Variants in LRP2 observed in about 807,000 individuals in gnomAD.
LRP2 encodes the protein low-density lipoprotein receptor-related protein 2.
A neutral mutation model predicts 531.0 loss-of-function variants in LRP2; 172 were observed. The observed-to-expected ratio is 0.32, with a 90% CI of 0.29 to 0.37. The LOEUF (loss-of-function observed/expected upper bound fraction) is 0.37. LRP2 is among the 10% of genes least tolerant of loss of function. LRP2 has a pLI of 1.00. For missense variants in LRP2, 5,167 were observed against 5,868.3 expected (o/e 0.88, Z 3.90); for synonymous variants, 1,992 against 2,027.6 (o/e 0.98, Z 0.47).
intron 17 of LRP2, among the ~76,000 whole-genome samples, chr2:169,258,276 G>C (rs577037965): frequency 1.3e-5 from 2 of 151,968 alleles, no homozygotes; most frequent in Non-Finnish European, 2.9e-5. Context: ...ATCTCACTGC[G>C]CCTTAGATTC....
At chr2:169,323,853 TA>T (rs11333901) in intron 1 of LRP2, among the ~76,000 whole-genome samples, 112,987 of 148,036 alleles carry the variant, frequency 0.76, 43,831 homozygotes, top group East Asian at 0.89. Context: ...GCTGCCTGAT[TA>T]AAAAAAAAAA....
chr2:169,244,196 A>T (rs1181039019), intron 22 of LRP2, among the ~76,000 whole-genome samples: 1 of 152,228 alleles, frequency 6.6e-6, no homozygotes, highest in Non-Finnish European at 1.5e-5. Context: ...TATTGAAGAC[A>T]TGAAATAAAA....
intron 46 of LRP2, among the ~76,000 whole-genome samples, chr2:169,194,608 C>T (rs1687941639): frequency 6.6e-6 from 1 of 151,212 alleles, no homozygotes; most frequent in Non-Finnish European, 1.5e-5. Flanking sequence ...TAGCCTAAGG[C>T]AAGAGAAAGT....
At chr2:169,270,229 C>T (rs1683366652) in intron 16 of LRP2, among the ~76,000 whole-genome samples, 1 of 152,164 alleles carries the variant, frequency 6.6e-6, no homozygotes, top group Admixed American at 6.5e-5. Flanking sequence ...CTAGAAATAA[C>T]ATTTGACCCA....
rs1313506794 is a variant in LRP2, at chr2:169,362,334, C to G, written c.66G>C (p.Pro22=). ...LLLALVACLA[P]ASGQECDSAH... ...CTGGGCTCTTACCTTGGCCACTGGC[C>G]GGCGCTAGGCAGGCGACGAGAGCCA... The change falls in exon 1 of 79, where the codon CCG becomes CCC. Residue 22 remains proline (P), a synonymous_variant. Transcript: ENST00000649046. 3 of 1,563,456 alleles carry G rather than the reference C, an allele frequency of 1.9e-6. No homozygotes were observed. The African/African-American group carries it at 4.1e-5, about 21-fold the overall frequency.
chr2:169,142,872 C>T (rs1685773756), intron 70 of LRP2, 79 bp from the exon 71 acceptor site: 1 of 1,547,996 alleles, frequency 6.5e-7, no homozygotes, highest in African/African-American at 1.4e-5. Flanking sequence ...AGTGGCTCTG[C>T]CAGGTGACAG....
intron 52 of LRP2, 75 bp downstream of exon 52, chr2:169,181,373 A>C (rs1342189678): frequency 1.6e-5 from 23 of 1,455,362 alleles, no homozygotes; most frequent in Non-Finnish European, 2.2e-5. Context: ...GAGGGGACTA[A>C]TAGACTGGAA....
intron 1 of LRP2, among the ~76,000 whole-genome samples, chr2:169,352,822 GGGGGAACATCACACACAGAGA>G (rs1559088554): frequency 2.0e-5 from 3 of 151,868 alleles, no homozygotes; most frequent in South Asian, 4.2e-4. Context: ...GGTCACAGGG[GGGGGAACATCACACACAGAGA>G]GGGGAACATC....
chr2:169,197,707 G>T (rs531219209), intron 45 of LRP2, among the ~76,000 whole-genome samples: 1 of 152,308 alleles, frequency 6.6e-6, no homozygotes, highest in South Asian at 2.1e-4. Flanking sequence ...GATTTGCCAG[G>T]GGAGAACTGA....
At chr2:169,173,360 G>C in intron 56 of LRP2, 136 bp from the exon 57 acceptor site, 1 of 1,011,128 alleles carries the variant, frequency 9.9e-7, no homozygotes, top group Non-Finnish European at 1.5e-6. Context: ...ATATGTGTCT[G>C]TTTTAGATGT....
At chr2:169,289,881 A>C (rs536242131) in intron 8 of LRP2, among the ~76,000 whole-genome samples, 27 of 150,396 alleles carry the variant, frequency 1.8e-4, no homozygotes, top group Middle Eastern at 6.8e-3. Flanking sequence ...TCCCAAATGA[A>C]ATAGAGAAAA....
At chr2:169,325,440 A>G (rs1346569637) in intron 1 of LRP2, among the ~76,000 whole-genome samples, 1 of 152,188 alleles carries the variant, frequency 6.6e-6, no homozygotes, top group Non-Finnish European at 1.5e-5. Context: ...CACTTTTTCT[A>G]TACTTAATTT....
chr2:169,150,221 G>T (rs761614768), intron 68 of LRP2, among the ~76,000 whole-genome samples: 28 of 152,286 alleles, frequency 1.8e-4, no homozygotes, highest in Admixed American at 1.3e-3. Flanking sequence ...GGGCTAGACT[G>T]GTCCTGCCCA....
intron 3 of LRP2, among the ~76,000 whole-genome samples, chr2:169,314,888 A>AT (rs1684715843): frequency 6.6e-6 from 1 of 152,202 alleles, no homozygotes; most frequent in South Asian, 2.1e-4. Flanking sequence ...TATATTGCCA[A>AT]TTTTCACATA....
In LRP2 at chr2:169,202,870, G is replaced by T. The variant is rs1236195196; in HGVS notation, c.8095C>A (p.Arg2699=). The change falls in exon 43 of 79, where the codon CGA becomes AGA. Residue 2699 remains arginine, a synonymous_variant. Coordinates refer to ENST00000649046, the MANE Select transcript of LRP2 (RefSeq NM_004525.3). ...CAGGTGAAGGAAGATGCACCACATC[G>T]TTCACCATTGTCCACAATGCAGTGC... ...RKHCIVDNGE[R]CGASSFTCSN... The T allele has an allele frequency of 6.2e-7, 1 of 1,614,156 alleles. No homozygotes were observed. The highest frequency in any genetic ancestry group is 1.1e-5 in the South Asian group (1 of 91,080).
At chr2:169,324,811 T>C (rs368771249) in intron 1 of LRP2, among the ~76,000 whole-genome samples, 2 of 152,114 alleles carry the variant, frequency 1.3e-5, no homozygotes, top group East Asian at 3.9e-4. Flanking sequence ...TTGAGAGCAT[T>C]CCTCTGTGTC....
intron 30 of LRP2, 50 bp from the exon 31 acceptor site, chr2:169,231,892 A>G (rs746744965): frequency 6.2e-7 from 1 of 1,604,870 alleles, no homozygotes; most frequent in Non-Finnish European, 8.5e-7. Flanking sequence ...CCTCCACATT[A>G]AAATCAAAAC....
In LRP2 at chr2:169,137,435, T is replaced by A; in HGVS notation, c.13577A>T (p.Tyr4526Phe). The change falls in exon 76 of 79, where the codon TAC (tyrosine) becomes TTC (phenylalanine). Residue 4526 changes from tyrosine to phenylalanine, a missense_variant. By Grantham distance (22) the Tyr-to-Phe change is conservative (BLOSUM62 3). This residue lies in a region of LRP2 where 348 missense variants were observed against 369.3 expected (regional missense o/e 0.94). Transcript: ENST00000649046. ...KQPIIFENPM[Y>F]SARDSAVKVV... is the part of the protein sequence containing the mutation. Reference sequence around the variant, plus strand: ...TTTGACAGCACTGTCTCTGGCTGAGTACATTGGGTTTTCAAATATTATGGG... The same window carrying A: ...TTTGACAGCACTGTCTCTGGCTGAGAACATTGGGTTTTCAAATATTATGGG... The A allele has an allele frequency of 1.9e-6, 3 of 1,613,888 alleles. No individual in the cohort carries two copies. The Middle Eastern group carries it at 5.0e-4, about 266-fold the overall frequency.
chr2:169,219,752 G>C (rs1441452608), intron 34 of LRP2, among the ~76,000 whole-genome samples: 1 of 152,000 alleles, frequency 6.6e-6, no homozygotes, highest in African/African-American at 2.4e-5. Context: ...CTCACTATCT[G>C]GGTACAATAT....
Sources: gnomAD v4.1 joint callset for allele counts (sites outside exome capture counted in the v4.1 genomes callset) on GRCh38, gnomAD v4.1.1 for gene constraint, gnomAD v4.1.1 regional missense constraint, MANE v1.5 for transcripts, NCBI Gene and HGNC (gene_info 2026-07-23, HGNC 2026-07-21) for gene names.